Variants in MAGI1 observed in about 807,000 individuals in gnomAD.
The protein encoded by MAGI1 is membrane associated guanylate kinase, WW and PDZ domain containing 1.
MAGI1 carries 58 observed loss-of-function variants against 139.9 expected under a neutral mutation model. That is an observed-to-expected ratio of 0.41 (90% confidence interval 0.34 to 0.52). The LOEUF (loss-of-function observed/expected upper bound fraction) is 0.52. MAGI1 is among the 20% of genes least tolerant of loss of function. The pLI is 0.12. For synonymous variants in MAGI1, 812 were observed against 737.9 expected (o/e 1.10, Z -1.63); for missense variants, 1,874 against 1,901.6 (o/e 0.99, Z 0.27).
At chr3:65,560,431 C>T (rs1197424685) in intron 2 of MAGI1, among the ~76,000 whole-genome samples, 1 of 152,120 alleles carries the variant, frequency 6.6e-6, no homozygotes. Context: ...ACTATGGACC[C>T]ACGAAAATTT....
At chr3:65,526,940 A>G (rs908906545) in intron 2 of MAGI1, among the ~76,000 whole-genome samples, 10 of 152,230 alleles carry the variant, frequency 6.6e-5, no homozygotes, top group African/African-American at 2.2e-4. Flanking sequence ...TGAGAAAGGA[A>G]AAAAGAATAT....
rs147210541 is a variant in MAGI1, at chr3:65,592,096, T to G, written c.430+29876A>C. 1.6e-3 allele frequency among the ~76,000 whole-genome samples: 243 copies of G among 152,354 alleles called. 2 individuals are homozygous for G. Among genetic ancestry groups the G allele is most frequent in the African/African-American group, 5.5e-3 (227 of 41,574 alleles). On this transcript the variant is annotated intron_variant, in intron 2 of 22. Transcript: ENST00000402939. ...GATCTTCATCTGTTTTGGTTGATCA[T>G]ATATACCAGGCAGGCAGAACACAGT...
chr3:65,375,897 C>T lies in MAGI1; in HGVS notation c.3044G>A (p.Gly1015Glu). Residue 1015 changes from glycine (G) to glutamate (E), a missense_variant, in exon 18 of 23, where the codon GGG (glycine) becomes GAG (glutamate). Gly to Glu is a moderately conservative substitution (Grantham distance 98). Around this residue, in one of 5 missense-constraint regions of MAGI1, gnomAD observed 653 missense variants for 644.5 expected, o/e 1.01. Transcript: ENST00000402939. ...CTTGCCACAGCGGTCAGCAGGGCTC[C>T]CCTCAATAATCCGACCTATTTTGTG... is the stretch of plus-strand genomic sequence containing the variant. ...MPHKIGRIIE[G>E]SPADRCGKLK... 6.2e-7 allele frequency: 1 copy of T among 1,614,076 alleles called. No individual in the cohort carries two copies. The highest frequency in any genetic ancestry group is 8.5e-7 in the Non-Finnish European group (1 of 1,180,006).
At chr3:65,419,515 C>T (rs987815785) in intron 12 of MAGI1, among the ~76,000 whole-genome samples, 1 of 152,128 alleles carries the variant, frequency 6.6e-6, no homozygotes, top group Non-Finnish European at 1.5e-5. Flanking sequence ...CTCATAAATG[C>T]GTATTTTTCC....
chr3:65,822,213 G>A (rs1450486557), intron 1 of MAGI1, among the ~76,000 whole-genome samples: 1 of 152,122 alleles, frequency 6.6e-6, no homozygotes, highest in Non-Finnish European at 1.5e-5. Context: ...GAATTTAATA[G>A]ATAAAAAGAA....
chr3:65,401,376 A>AAC, intron 13 of MAGI1, 63 bp downstream of exon 13: 12 of 406,690 alleles, frequency 3.0e-5, no homozygotes, highest in Non-Finnish European at 4.9e-5. Context: ...GTACCCTCCC[A>AAC]CCTCCAGCCC....
intron 2 of MAGI1, among the ~76,000 whole-genome samples, chr3:65,537,519 A>G (rs558202899): frequency 1.4e-4 from 22 of 152,204 alleles, no homozygotes; most frequent in Admixed American, 2.6e-4. Context: ...TTAATGTTCA[A>G]TAAGTGAGAA....
intron 1 of MAGI1, among the ~76,000 whole-genome samples, chr3:65,762,293 T>A (rs2037096781): frequency 6.6e-6 from 1 of 152,246 alleles, no homozygotes; most frequent in East Asian, 1.9e-4. Context: ...TTCTTCCTTC[T>A]CAGATTTTGA....
chr3:65,928,095 T>C (rs929702908), intron 1 of MAGI1, among the ~76,000 whole-genome samples: 2 of 152,192 alleles, frequency 1.3e-5, no homozygotes, highest in Non-Finnish European at 2.9e-5. Flanking sequence ...ATGAATTTAT[T>C]TTCGGCCCCA....
At chr3:65,550,672 G>A (rs542673771) in intron 2 of MAGI1, among the ~76,000 whole-genome samples, 1 of 152,256 alleles carries the variant, frequency 6.6e-6, no homozygotes, top group Admixed American at 6.5e-5. Context: ...AAGAAGAACT[G>A]GAATTCCCAA....
At chr3:65,996,543 G>C (rs1157632804) in intron 1 of MAGI1, among the ~76,000 whole-genome samples, 1 of 19,478 alleles carries the variant, frequency 5.1e-5, no homozygotes. Flanking sequence ...AAAACTAAGG[G>C]GGGGGGGGGG....
chr3:65,434,264 T>G (rs888961025), intron 10 of MAGI1, among the ~76,000 whole-genome samples: 1 of 152,098 alleles, frequency 6.6e-6, no homozygotes, highest in Non-Finnish European at 1.5e-5. Context: ...ATGATAGTTG[T>G]GAGAAACAAC....
intron 1 of MAGI1, among the ~76,000 whole-genome samples, chr3:65,626,579 C>T (rs2083983192): frequency 6.6e-6 from 1 of 152,182 alleles, no homozygotes; most frequent in African/African-American, 2.4e-5. Context: ...CTGTCTCAGC[C>T]TACCAAAGTG....
At chr3:65,492,874 C>G (rs977258310) in intron 3 of MAGI1, among the ~76,000 whole-genome samples, 9 of 151,924 alleles carry the variant, frequency 5.9e-5, no homozygotes, top group Non-Finnish European at 1.0e-4. Flanking sequence ...GTCAGGAGAT[C>G]GAGACGATCC....
At chr3:65,440,916 A>G (rs1948276503) in intron 8 of MAGI1, among the ~76,000 whole-genome samples, 1 of 143,970 alleles carries the variant, frequency 6.9e-6, no homozygotes, top group Non-Finnish European at 1.5e-5. Context: ...ATATATATAT[A>G]CACACACACA....
intron 3 of MAGI1, among the ~76,000 whole-genome samples, chr3:65,491,262 C>T (rs751271022): frequency 6.6e-6 from 1 of 152,172 alleles, no homozygotes; most frequent in African/African-American, 2.4e-5. Flanking sequence ...TTTAATACCA[C>T]TTGGCTTCAG....
chr3:65,516,675 T>C (rs1377536995), intron 2 of MAGI1, among the ~76,000 whole-genome samples: 3 of 147,788 alleles, frequency 2.0e-5, no homozygotes, highest in Non-Finnish European at 3.0e-5. Context: ...ATAAGCCCAC[T>C]TTTCAAATGA....
At position 65,416,585 on chromosome 3, in the gene MAGI1, T is replaced by TTGAA. The variant is rs147523328; in HGVS notation, c.2167+12931_2167+12934dup. Among the ~76,000 whole-genome samples, 1,036 of 152,226 alleles carry TTGAA rather than the reference T, an allele frequency of 6.8e-3. 10 individuals are homozygous for TTGAA. The highest frequency in any genetic ancestry group is 0.023 in the African/African-American group (973 of 41,524). ...GAGAATAGCACGGTGCTAAAGTTTG[T>TTGAA]TGAATGAATGAATGAATGAATGACA... On this transcript the variant is annotated intron_variant, in intron 12 of 22. Transcript: ENST00000402939.
At chr3:65,668,974 C>T (rs1432806734) in intron 1 of MAGI1, among the ~76,000 whole-genome samples, 1 of 151,972 alleles carries the variant, frequency 6.6e-6, no homozygotes, top group Non-Finnish European at 1.5e-5. Context: ...GCTCTGTTGC[C>T]CAGGCTGGAG....
Sources: gnomAD v4.1 joint callset for allele counts (sites outside exome capture counted in the v4.1 genomes callset) on GRCh38, gnomAD v4.1.1 for gene constraint, gnomAD v4.1.1 regional missense constraint, MANE v1.5 for transcripts, NCBI Gene and HGNC (gene_info 2026-07-23, HGNC 2026-07-21) for gene names.